Variants in CMTM8 observed in about 807,000 individuals in gnomAD.
The protein encoded by CMTM8 is CKLF like MARVEL transmembrane domain containing 8, also known as CKLF-like MARVEL transmembrane domain-containing protein 8.
In CMTM8, 12 loss-of-function variants were observed where a neutral mutation model predicts 18.6. The observed-to-expected ratio is 0.65, with a 90% CI of 0.41 to 1.05. The LOEUF (loss-of-function observed/expected upper bound fraction) is 1.05, where lower values mean the gene tolerates loss of function less well. Ranked by LOEUF, CMTM8 falls within the 50% of genes least tolerant of loss-of-function variation. The pLI, the probability that CMTM8 is intolerant of heterozygous loss-of-function variation, is 0.00. For missense variants in CMTM8, 217 were observed against 227.2 expected (o/e 0.95, Z 0.29); for synonymous variants, 87 against 90.6 (o/e 0.96, Z 0.23).
rs528661576 is a variant in CMTM8, at chr3:32,369,449, A to G, written c.439-435A>G. ...GTGGAGGCTGCCCCATTAATTAAGA[A>G]GGGCCTGCATTTTCCTCCTCCCTGT... On this transcript the variant is annotated intron_variant, in intron 3 of 3. Coordinates refer to ENST00000307526, the MANE Select transcript of CMTM8 (RefSeq NM_178868.5). Among the ~76,000 whole-genome samples, 173 of 152,314 alleles carry G rather than the reference A, an allele frequency of 1.1e-3. 1 individual carries two copies. Among genetic ancestry groups the G allele is most frequent in the Non-Finnish European group, 1.9e-3 (126 of 68,034 alleles).
Position 32,358,243 on chromosome 3 carries a change from C to CTG in CMTM8, c.321+698_321+699insGT, listed in dbSNP as rs1434149672. On this transcript the variant is annotated intron_variant, in intron 2 of 3. Transcript: ENST00000307526. The surrounding 1 kb of genome is among the most constrained non-coding windows in gnomAD (Gnocchi z 4.1). ...CCTCAGCTTAGGATGGCTGGGAACT[C>CTG]TTCAGAGAGGAAGTGACATTTAGCT... 1.3e-5 allele frequency among the ~76,000 whole-genome samples: 2 copies of CTG among 152,170 alleles called. No homozygotes were observed. Among genetic ancestry groups the CTG allele is most frequent in the East Asian group, 3.9e-4 (2 of 5,190 alleles).
intron 1 of CMTM8, among the ~76,000 whole-genome samples, chr3:32,315,775 T>C (rs960528863): frequency 6.6e-6 from 1 of 152,214 alleles, no homozygotes; most frequent in Non-Finnish European, 1.5e-5. Context: ...ATGGAGCAGA[T>C]GGCATATTTT....
At chr3:32,240,986 C>T (rs1701939889) in intron 1 of CMTM8, among the ~76,000 whole-genome samples, 1 of 152,126 alleles carries the variant, frequency 6.6e-6, no homozygotes, top group Admixed American at 6.5e-5. Context: ...CGGGGTCTCT[C>T]TGTGTTGCCC....
intron 1 of CMTM8, among the ~76,000 whole-genome samples, chr3:32,281,058 TG>T (rs1304803517): frequency 1.3e-5 from 2 of 152,098 alleles, no homozygotes. Context: ...GGAGTTATCC[TG>T]GAACTCCCCA....
At chr3:32,311,004 A>G (rs2125569381) in intron 1 of CMTM8, among the ~76,000 whole-genome samples, 1 of 152,360 alleles carries the variant, frequency 6.6e-6, no homozygotes, top group East Asian at 1.9e-4. Flanking sequence ...TGGCATAGCC[A>G]ACAATACTGC....
intron 1 of CMTM8, among the ~76,000 whole-genome samples, chr3:32,260,670 T>TG (rs1702243342): frequency 7.3e-6 from 1 of 137,328 alleles, no homozygotes; most frequent in Non-Finnish European, 1.6e-5. Flanking sequence ...TTTTTAAAGT[T>TG]TTTTTTTTTT....
chr3:32,326,391 A>T (rs1011144226), intron 1 of CMTM8, among the ~76,000 whole-genome samples: 2 of 151,968 alleles, frequency 1.3e-5, no homozygotes, highest in African/African-American at 4.8e-5. Flanking sequence ...TCACATTACC[A>T]TCCAAAGTGT....
chr3:32,302,075 G>A (rs1400284152), intron 1 of CMTM8, among the ~76,000 whole-genome samples: 3 of 150,276 alleles, frequency 2.0e-5, no homozygotes, highest in Non-Finnish European at 3.0e-5. Flanking sequence ...GCTCATGCCT[G>A]TAATCCCAAC....
intron 1 of CMTM8, among the ~76,000 whole-genome samples, chr3:32,356,212 T>C (rs534881637): frequency 3.9e-5 from 6 of 152,348 alleles, no homozygotes; most frequent in Admixed American, 3.9e-4. Flanking sequence ...TTGATTCATA[T>C]ACCACAAAGA....
At chr3:32,296,070 C>CT (rs2125559583) in intron 1 of CMTM8, among the ~76,000 whole-genome samples, 1 of 152,316 alleles carries the variant, frequency 6.6e-6, no homozygotes, top group South Asian at 2.1e-4. Context: ...ACCTCTCAGT[C>CT]TGTGTTGTGT....
chr3:32,358,160 G>A lies in CMTM8; in HGVS notation c.321+614G>A, dbSNP rs950472049. ...AATAGATAAGAAAATGAGTAGATAC[G>A]AGACCCTGTGGCATACACTGCAGTG... On this transcript the variant is annotated intron_variant, in intron 2 of 3. Transcript: ENST00000307526. The surrounding 1 kb of genome is among the most constrained non-coding windows in gnomAD (Gnocchi z 4.1). 6.6e-5 allele frequency among the ~76,000 whole-genome samples: 10 copies of A among 152,206 alleles called. No homozygotes were observed. The highest frequency in any genetic ancestry group is 2.6e-4 in the Admixed American group (4 of 15,278).
At chr3:32,273,833 A>T (rs975440982) in intron 1 of CMTM8, among the ~76,000 whole-genome samples, 3 of 152,180 alleles carry the variant, frequency 2.0e-5, no homozygotes, top group Non-Finnish European at 2.9e-5. Context: ...GGTGAATTTT[A>T]TGATGTATGC....
intron 1 of CMTM8, among the ~76,000 whole-genome samples, chr3:32,280,800 A>G (rs1702595850): frequency 6.7e-6 from 1 of 149,524 alleles, no homozygotes; most frequent in Non-Finnish European, 1.5e-5. Flanking sequence ...ACCCTACTCA[A>G]ATTACATTGA....
At chr3:32,355,594 C>T (rs917041142) in intron 1 of CMTM8, among the ~76,000 whole-genome samples, 6 of 152,160 alleles carry the variant, frequency 3.9e-5, no homozygotes, top group Admixed American at 3.3e-4. Flanking sequence ...CTTTCCCCTC[C>T]ACATGTCCAT....
intron 1 of CMTM8, among the ~76,000 whole-genome samples, chr3:32,319,171 C>T (rs1490053081): frequency 4.1e-5 from 6 of 145,920 alleles, no homozygotes; most frequent in Non-Finnish European, 7.5e-5. Context: ...CTCTGCCTCT[C>T]GGGTTCAAGG....
intron 1 of CMTM8, among the ~76,000 whole-genome samples, chr3:32,272,277 A>G (rs536344391): frequency 6.6e-6 from 1 of 152,190 alleles, no homozygotes; most frequent in South Asian, 2.1e-4. Flanking sequence ...CTTCATTATG[A>G]TATGTCTAGC....
chr3:32,275,481 T>TTCATGTAAA (rs1702502698), intron 1 of CMTM8, among the ~76,000 whole-genome samples: 1 of 151,992 alleles, frequency 6.6e-6, no homozygotes, highest in African/African-American at 2.4e-5. Context: ...CAAATGCAAA[T>TTCATGTAAA]TCATGTAAAT....
intron 3 of CMTM8, 23 bp downstream of exon 3, chr3:32,368,011 A>T: frequency 7.0e-7 from 1 of 1,438,590 alleles, no homozygotes; most frequent in South Asian, 1.1e-5. Context: ...CCATCCCCAC[A>T]TGATCCTCCT....
At chr3:32,295,733 T>C (rs1301848891) in intron 1 of CMTM8, among the ~76,000 whole-genome samples, 2 of 152,144 alleles carry the variant, frequency 1.3e-5, no homozygotes, top group African/African-American at 2.4e-5. Context: ...TCCCCTCTGC[T>C]TAAACCCCTA....
Sources: gnomAD v4.1 joint callset for allele counts (sites outside exome capture counted in the v4.1 genomes callset) on GRCh38, gnomAD v4.1.1 for gene constraint, Gnocchi (gnomAD v3.1) non-coding constraint, MANE v1.5 for transcripts, NCBI Gene and HGNC (gene_info 2026-07-23, HGNC 2026-07-21) for gene names.